Variants in TRIP11 observed in about 807,000 individuals in gnomAD.
The protein encoded by TRIP11 is thyroid receptor-interacting protein 11.
In TRIP11, 148 loss-of-function variants were observed where a neutral mutation model predicts 223.1. The ratio of observed to expected loss-of-function variants is 0.66; its 90% CI spans 0.58 to 0.76. The LOEUF (loss-of-function observed/expected upper bound fraction) is 0.76, where lower values mean the gene tolerates loss of function less well. Ranked by LOEUF, TRIP11 falls within the 30% of genes least tolerant of loss-of-function variation. The probability of loss-of-function intolerance (pLI) is 0.00; values close to 1 mark genes in which losing one functional copy is unlikely to be tolerated. For missense variants in TRIP11, 2,043 were observed against 2,222.0 expected (o/e 0.92, Z 1.62); for synonymous variants, 762 against 772.6 (o/e 0.99, Z 0.23).
intron 15 of TRIP11, among the ~76,000 whole-genome samples, chr14:91,989,915 C>A (rs1377675947): frequency 6.6e-6 from 1 of 152,142 alleles, no homozygotes; most frequent in East Asian, 1.9e-4. Context: ...CTGCTTGTGA[C>A]TTTCCTTTCC....
chr14:91,999,906 G>T, intron 12 of TRIP11, 62 bp downstream of exon 12: 12 of 1,598,318 alleles, frequency 7.5e-6, no homozygotes, highest in Non-Finnish European at 1.0e-5. Context: ...CACCTTTCCA[G>T]TTCTCTTAAT....
rs1269544703 is a variant in TRIP11 at position 92,037,898 on chromosome 14, T to G, written c.139+1649A>C. On this transcript the variant is annotated intron_variant, in intron 1 of 20. Transcript: ENST00000267622. This position sits in a 1 kb window ranked among gnomAD's most constrained non-coding sequence, Gnocchi z 4.2. ...CAAAACTAAGAGGTTTGGATTTTAT[T>G]CTGTAACAGGGTCAAGAAATTTTTA... 2.0e-5 allele frequency among the ~76,000 whole-genome samples: 3 copies of G among 152,158 alleles called. No individual in the cohort carries two copies. The highest frequency in any genetic ancestry group is 7.2e-5 in the African/African-American group (3 of 41,424).
At chr14:92,011,919 T>C in intron 7 of TRIP11, 124 bp from the exon 8 acceptor site, 1 of 793,138 alleles carries the variant, frequency 1.3e-6, no homozygotes, top group Non-Finnish European at 2.1e-6. Flanking sequence ...GCAGTAACAG[T>C]TCTGAGTGAA....
intron 16 of TRIP11, among the ~76,000 whole-genome samples, chr14:91,979,525 G>A (rs1464260068): frequency 1.3e-5 from 2 of 152,050 alleles, no homozygotes; most frequent in Non-Finnish European, 2.9e-5. Context: ...CATCCTTAAG[G>A]CGAAAATGAC....
chr14:91,984,282 T>C (rs2056578053), intron 16 of TRIP11, among the ~76,000 whole-genome samples: 1 of 151,904 alleles, frequency 6.6e-6, no homozygotes, highest in East Asian at 1.9e-4. Context: ...TCTTGTGCTT[T>C]TTATTTCAAT....
rs1465078571 is a variant in TRIP11, at chr14:91,968,077, C to T, written c.*1596G>A. On this transcript the variant is annotated 3_prime_UTR_variant, in exon 21 of 21. Coordinates refer to ENST00000267622, the MANE Select transcript of TRIP11 (RefSeq NM_004239.4). ...ACCCATCAACATGGAATTAAGACTT[C>T]CAGTCTTCCAAATACATTAGAAAGT... The T allele has an allele frequency of 1.5e-5, 3 of 202,196 alleles. No individual in the cohort carries two copies. The highest frequency in any genetic ancestry group is 3.0e-5 in the Non-Finnish European group (3 of 98,372). 12.5% of individuals were successfully genotyped at this position (202,196 alleles called of 1,614,324 possible).
rs373495905 is a variant in TRIP11 at position 92,005,976 on chromosome 14, T to C, written c.2000A>G (p.Asn667Ser). 2.0e-5 allele frequency: 32 copies of C among 1,612,274 alleles called. No homozygotes were observed. Among genetic ancestry groups the C allele is most frequent in the Non-Finnish European group, 2.7e-5 (32 of 1,179,638 alleles). ...NLSELEQLNE[N>S]LKKVAFDVKM... Reference sequence around the variant, plus strand: ...GACATCAAAAGCAACTTTCTTTAAATTTTCATTGAGCTGTTCTAATTCTGA... The same window carrying C: ...GACATCAAAAGCAACTTTCTTTAAACTTTCATTGAGCTGTTCTAATTCTGA... Residue 667 changes from asparagine to serine, a missense_variant, in exon 11 of 21, where the codon AAT becomes AGT. Asn to Ser is a conservative substitution (Grantham distance 46). Transcript: ENST00000267622.
chr14:91,989,655 C>T (rs1301738105), intron 15 of TRIP11, among the ~76,000 whole-genome samples: 3 of 151,650 alleles, frequency 2.0e-5, no homozygotes, highest in African/African-American at 2.4e-5. Flanking sequence ...ACTGTGTCAT[C>T]CTGGATAGGT....
intron 16 of TRIP11, among the ~76,000 whole-genome samples, chr14:91,980,990 T>TTATATATA (rs200939525): frequency 4.1e-4 from 31 of 75,350 alleles, no homozygotes; most frequent in African/African-American, 1.3e-3. Flanking sequence ...TATATGTATA[T>TTATATATA]TATATATATA....
intron 19 of TRIP11, 117 bp downstream of exon 19, chr14:91,974,510 T>C (rs1261919406): frequency 2.3e-6 from 2 of 868,926 alleles, no homozygotes; most frequent in Admixed American, 4.4e-5. Context: ...TTTCTGCAAC[T>C]TCAAAATAAA....
At chr14:91,990,429 T>C (rs2056657467) in intron 15 of TRIP11, among the ~76,000 whole-genome samples, 1 of 152,166 alleles carries the variant, frequency 6.6e-6, no homozygotes, top group South Asian at 2.1e-4. Context: ...ATTCCCTCAA[T>C]TTCTTCTCAT....
chr14:92,017,798 T>A, intron 4 of TRIP11, 48 bp from the exon 5 acceptor site: 1 of 1,530,574 alleles, frequency 6.5e-7, no homozygotes, highest in East Asian at 2.3e-5. Context: ...GATTTTCTTG[T>A]CAACAGAAAG....
chr14:91,966,463 G>A lies in TRIP11; in HGVS notation c.*3210C>T, dbSNP rs1490363061. 1 of 192,916 alleles carries A rather than the reference G, an allele frequency of 5.2e-6. No individual in the cohort carries two copies. The highest frequency in any genetic ancestry group is 1.1e-5 in the Non-Finnish European group (1 of 92,528). 12.0% of individuals were successfully genotyped at this position (192,916 alleles called of 1,614,324 possible). A position where few individuals can be genotyped will look rare whatever the true frequency, so the allele number is the denominator to read the frequency against. On this transcript the variant is annotated 3_prime_UTR_variant, in exon 21 of 21. Transcript: ENST00000267622. Reference sequence around the variant, plus strand: ...AGGTCCAAATGCTTTTAAGTTTGATGGATAATAGTGTTTTCTAAAAAATTC... The same window carrying A: ...AGGTCCAAATGCTTTTAAGTTTGATAGATAATAGTGTTTTCTAAAAAATTC...
rs1338212275 is a variant in TRIP11 at position 92,005,740 on chromosome 14, GTTC to G, written c.2233_2235del (p.Glu745del). On this transcript the variant is annotated inframe_deletion, in exon 11 of 21. Transcript: ENST00000267622. ...GTATTCAAATTACGTGCATTTGACAGTTCTTCAATGGTTTTCTCATACTTGTTT... is the reference window on the plus strand; with the variant it reads ...GTATTCAAATTACGTGCATTTGACAGTTCAATGGTTTTCTCATACTTGTTT... The G allele has an allele frequency of 1.2e-6, 2 of 1,613,900 alleles. No individual in the cohort carries two copies. Among genetic ancestry groups the G allele is most frequent in the Non-Finnish European group, 1.7e-6 (2 of 1,180,026 alleles).
chr14:92,032,786 T>C (rs1204524172), intron 2 of TRIP11, among the ~76,000 whole-genome samples: 2 of 146,894 alleles, frequency 1.4e-5, no homozygotes, highest in Admixed American at 7.0e-5. Flanking sequence ...TGAGCCAAGA[T>C]AGTGCCACTG....
Position 92,014,481 on chromosome 14 carries a change from T to G in TRIP11, c.920A>C (p.Lys307Thr). ...TATTTTATCCTCAAGTTGTTCCATT[T>G]TTTTGGTAGACTCCACTTTTTCTAT... The part of the protein sequence containing the change: ...LQIEKVESTK[K>T]MEQLEDKIKD... The change falls in exon 7 of 21, where the codon AAA becomes ACA. Residue 307 changes from lysine (K) to threonine (T), a missense_variant. Coordinates refer to ENST00000267622, the MANE Select transcript of TRIP11 (RefSeq NM_004239.4). 6.3e-7 allele frequency: 1 copy of G among 1,596,252 alleles called. No homozygotes were observed. Among genetic ancestry groups the G allele is most frequent in the South Asian group, 1.2e-5 (1 of 86,114 alleles).
In TRIP11 at chr14:92,005,893, C is replaced by G; in HGVS notation, c.2083G>C (p.Glu695Gln). Residue 695 changes from glutamate to glutamine, a missense_variant, in exon 11 of 21, where the codon GAA becomes CAA. Coordinates refer to ENST00000267622, the MANE Select transcript of TRIP11 (RefSeq NM_004239.4). ...ACEDVRHQLE[E>Q]CLAGNNQLSL... The stretch of plus-strand genomic sequence containing the variant: ...AGCTGATTGTTACCAGCAAGACATT[C>G]TTCTAACTGATGCCTCACATCTTCA... The G allele has an allele frequency of 6.2e-7, 1 of 1,613,990 alleles. No homozygotes were observed. Among genetic ancestry groups the G allele is most frequent in the Non-Finnish European group, 8.5e-7 (1 of 1,179,992 alleles).
chr14:92,015,860 T>A lies in TRIP11; in HGVS notation c.659A>T (p.Glu220Val). Residue 220 changes from glutamate to valine, a missense_variant and splice_region_variant, in exon 6 of 21, where the codon GAA (glutamate) becomes GTA (valine). Transcript: ENST00000267622. The stretch of plus-strand genomic sequence containing the variant: ...TTCCTGACTTCGGTTCTGTTTTAGT[T>A]CCTTAAAAAATAAAAACAAAGTTAT... Reference protein sequence around the residue: ...EICKLQNIIKELKQNRSQEID... With the variant: ...EICKLQNIIKVLKQNRSQEID... 1 of 1,608,328 alleles carries A rather than the reference T, an allele frequency of 6.2e-7. No individual in the cohort carries two copies. Among genetic ancestry groups the A allele is most frequent in the South Asian group, 1.1e-5 (1 of 90,592 alleles).
Position 92,017,872 on chromosome 14 carries a change from A to G in TRIP11, c.589-122T>C. On this transcript the variant is annotated intron_variant, in intron 4 of 20. Coordinates refer to ENST00000267622, the MANE Select transcript of TRIP11 (RefSeq NM_004239.4). ...AGGGGGATTTTCACAGATTCCGACT[A>G]AAGAATGCCATGGACCTTTTAAAGA... 5 of 792,756 alleles carry G rather than the reference A, an allele frequency of 6.3e-6. No individual in the cohort carries two copies. The South Asian group carries it at 7.6e-5, about 12-fold the overall frequency. The allele number at this position is 792,756 out of a possible 1,614,324, so 49.1% of individuals were successfully genotyped here.
Sources: allele counts gnomAD v4.1 joint callset (sites outside exome capture counted in the v4.1 genomes callset), GRCh38; gene constraint gnomAD v4.1.1; non-coding constraint Gnocchi (gnomAD v3.1); transcripts MANE v1.5; gene names NCBI Gene and HGNC (gene_info 2026-07-23, HGNC 2026-07-21).